Variants in GPM6A observed in about 807,000 individuals in gnomAD.
GPM6A encodes the protein glycoprotein M6A.
GPM6A carries 7 observed loss-of-function variants against 32.1 expected under a neutral mutation model. That is an observed-to-expected ratio of 0.22 (90% CI 0.12 to 0.41). The LOEUF (loss-of-function observed/expected upper bound fraction) is 0.41. GPM6A is among the 10% of genes least tolerant of loss of function. The probability of loss-of-function intolerance (pLI) is 1.00; values close to 1 mark genes in which losing one functional copy is unlikely to be tolerated. For synonymous variants in GPM6A, 130 were observed against 123.4 expected (o/e 1.05, Z -0.35); for missense variants, 235 against 347.2 (o/e 0.68, Z 2.57).
intron 2 of GPM6A, among the ~76,000 whole-genome samples, chr4:175,694,507 T>C (rs73002146): frequency 0.047 from 7,172 of 152,254 alleles, 202 homozygotes; most frequent in Non-Finnish European, 0.063. Flanking sequence ...ACATTATGTC[T>C]CTGCTCTAGA....
At chr4:175,721,457 C>T (rs1231560108) in intron 1 of GPM6A, among the ~76,000 whole-genome samples, 2 of 150,490 alleles carry the variant, frequency 1.3e-5, no homozygotes, top group East Asian at 3.9e-4. Flanking sequence ...GTCTGGGTGA[C>T]AGAGCGAGAC....
chr4:175,810,389 C>T (rs989044318), intron 1 of GPM6A, among the ~76,000 whole-genome samples: 3 of 152,082 alleles, frequency 2.0e-5, no homozygotes, highest in African/African-American at 4.8e-5. Context: ...GACCACTAAA[C>T]GTTTTTTCTG....
intron 2 of GPM6A, among the ~76,000 whole-genome samples, chr4:175,688,945 T>G (rs1054257698): frequency 6.6e-6 from 1 of 152,186 alleles, no homozygotes; most frequent in African/African-American, 2.4e-5. Context: ...CTCAAACCTC[T>G]GGGCTCAAGA....
At chr4:175,712,752 G>A (rs935268706) in intron 1 of GPM6A, among the ~76,000 whole-genome samples, 2 of 152,252 alleles carry the variant, frequency 1.3e-5, no homozygotes, top group Non-Finnish European at 1.5e-5. Context: ...GAATCACTAC[G>A]TTAATATTCA....
At chr4:175,896,173 C>T (rs1737789027) in intron 1 of GPM6A, among the ~76,000 whole-genome samples, 1 of 152,068 alleles carries the variant, frequency 6.6e-6, no homozygotes, top group Non-Finnish European at 1.5e-5. Flanking sequence ...TTTGGGGAAG[C>T]TTTACATTTC....
chr4:175,746,154 G>T (rs1343764011), intron 1 of GPM6A, among the ~76,000 whole-genome samples: 3 of 152,070 alleles, frequency 2.0e-5, no homozygotes, highest in African/African-American at 7.2e-5. Context: ...ATGAACAACA[G>T]CTTTCCCCAA....
At chr4:175,872,968 C>T (rs540008968) in intron 1 of GPM6A, among the ~76,000 whole-genome samples, 25 of 152,164 alleles carry the variant, frequency 1.6e-4, no homozygotes, top group African/African-American at 6.0e-4. Context: ...TGGAATTGTT[C>T]ACTGGGCAAG....
At position 175,673,856 on chromosome 4, in the gene GPM6A, G is replaced by C; in HGVS notation, c.231-20C>G. 2 of 1,550,816 alleles carry C rather than the reference G, an allele frequency of 1.3e-6. No individual in the cohort carries two copies. The highest frequency in any genetic ancestry group is 1.8e-6 in the Non-Finnish European group (2 of 1,130,064). On this transcript the variant is annotated intron_variant, in intron 2 of 6. Coordinates refer to ENST00000393658, the MANE Select transcript of GPM6A (RefSeq NM_201591.3). ...TCAATCCTGAGAGAAAAGACAAAGT[G>C]ATTTATTTCAATAACTTTTCATTGC... is the stretch of plus-strand genomic sequence containing the variant.
intron 1 of GPM6A, among the ~76,000 whole-genome samples, chr4:175,963,469 T>C (rs531977055): frequency 4.5e-4 from 69 of 152,180 alleles, no homozygotes; most frequent in African/African-American, 1.5e-3. Flanking sequence ...CAGACTTCTC[T>C]CTACAACCAT....
At chr4:175,899,922 G>A (rs1737904046) in intron 1 of GPM6A, among the ~76,000 whole-genome samples, 1 of 152,074 alleles carries the variant, frequency 6.6e-6, no homozygotes, top group South Asian at 2.1e-4. Flanking sequence ...AATCAACAAA[G>A]TGAAGAGAAA....
intron 1 of GPM6A, among the ~76,000 whole-genome samples, chr4:175,857,047 T>G (rs183347814): frequency 6.6e-6 from 1 of 152,346 alleles, no homozygotes; most frequent in East Asian, 1.9e-4. Flanking sequence ...GCTTCCTGTC[T>G]GTATCAATAC....
At chr4:175,829,769 T>C (rs999799110) in intron 1 of GPM6A, among the ~76,000 whole-genome samples, 6 of 149,176 alleles carry the variant, frequency 4.0e-5, no homozygotes, top group African/African-American at 1.5e-4. Context: ...TCTTACTCAT[T>C]TTTCTTGGAG....
chr4:175,729,767 CTAT>C (rs1300176141), intron 1 of GPM6A, among the ~76,000 whole-genome samples: 16 of 139,532 alleles, frequency 1.1e-4, no homozygotes, highest in Admixed American at 4.5e-4. Context: ...TATATATTAT[CTAT>C]TATATTATTT....
intron 3 of GPM6A, among the ~76,000 whole-genome samples, chr4:175,660,463 G>A (rs1023136619): frequency 3.3e-5 from 5 of 151,942 alleles, no homozygotes; most frequent in Non-Finnish European, 7.4e-5. Flanking sequence ...GAATTCATGT[G>A]TTGAAAATTT....
chr4:175,720,823 G>T (rs1348818221), intron 1 of GPM6A, among the ~76,000 whole-genome samples: 10 of 151,956 alleles, frequency 6.6e-5, no homozygotes, highest in Non-Finnish European at 1.5e-5. Context: ...ACCAAAAGAT[G>T]GATCTTGAAC....
At chr4:175,852,886 ATCACCTTGT>A (rs1404422722) in intron 1 of GPM6A, among the ~76,000 whole-genome samples, 1 of 152,194 alleles carries the variant, frequency 6.6e-6, no homozygotes, top group Non-Finnish European at 1.5e-5. Flanking sequence ...GAAAAGATAT[ATCACCTTGT>A]TCAAAGCAAC....
chr4:175,766,219 T>G (rs947701649), intron 1 of GPM6A, among the ~76,000 whole-genome samples: 1 of 152,192 alleles, frequency 6.6e-6, no homozygotes, highest in African/African-American at 2.4e-5. Context: ...GAATAGTTCA[T>G]GTAATTAAAA....
intron 6 of GPM6A, among the ~76,000 whole-genome samples, chr4:175,639,906 A>G (rs1490979161): frequency 6.6e-6 from 1 of 152,094 alleles, no homozygotes; most frequent in Non-Finnish European, 1.5e-5. Flanking sequence ...ATCCTAATGA[A>G]TTACTATTTT....
intron 1 of GPM6A, among the ~76,000 whole-genome samples, chr4:175,835,829 T>G (rs1256104196): frequency 1.3e-5 from 2 of 148,644 alleles, no homozygotes; most frequent in African/African-American, 4.9e-5. Flanking sequence ...TAATACATAA[T>G]TTATATATTA....
Sources: gnomAD v4.1 joint callset for allele counts (sites outside exome capture counted in the v4.1 genomes callset) on GRCh38, gnomAD v4.1.1 for gene constraint, MANE v1.5 for transcripts, NCBI Gene and HGNC (gene_info 2026-07-23, HGNC 2026-07-21) for gene names.